RALYL: variants seen among roughly 807,000 people sequenced by gnomAD.
RALYL encodes RNA-binding Raly-like protein.
RALYL carries 29 observed loss-of-function variants against 35.1 expected under a neutral mutation model. The observed-to-expected ratio is 0.83, with a 90% CI of 0.61 to 1.13. RALYL has a LOEUF of 1.13. Ranked by LOEUF, RALYL falls within the 50% of genes most tolerant of loss-of-function variation. RALYL has a pLI of 0.00. For synonymous variants in RALYL, 120 were observed against 127.6 expected, an observed-to-expected ratio of 0.94 and a Z score of 0.40; for missense variants, 359 against 360.4, an observed-to-expected ratio of 1.00 and a Z score of 0.03.
Position 84,537,196 on chromosome 8 carries a change from G to A in RALYL, c.256+7619G>A, listed in dbSNP as rs148118952. On this transcript the variant is annotated intron_variant, in intron 2 of 8. Coordinates refer to ENST00000521268, the MANE Select transcript of RALYL (RefSeq NM_173848.7). ...AAAAAACTCTATTCACGGGCCGGGCGCAGTGGCTCACACCTATAATCTCAG... is the reference window on the plus strand; with the variant it reads ...AAAAAACTCTATTCACGGGCCGGGCACAGTGGCTCACACCTATAATCTCAG... Among the ~76,000 whole-genome samples the A allele has an allele frequency of 6.6e-3, 986 of 149,444 alleles. 10 individuals are homozygous for A. Among genetic ancestry groups the A allele is most frequent in the East Asian group, 0.013 (64 of 5,108 alleles).
chr8:84,606,485 T>C (rs1273865019), intron 2 of RALYL, among the ~76,000 whole-genome samples: 1 of 152,194 alleles, frequency 6.6e-6, no homozygotes, highest in Non-Finnish European at 1.5e-5. Flanking sequence ...GACATTGCTT[T>C]AGAGCCTGGA....
chr8:84,418,468 T>C (rs2045012009), intron 1 of RALYL, among the ~76,000 whole-genome samples: 1 of 152,136 alleles, frequency 6.6e-6, no homozygotes. Flanking sequence ...AGAATTAGTT[T>C]AGCAGGAGGA....
At chr8:84,602,039 T>G (rs1322382207) in intron 2 of RALYL, among the ~76,000 whole-genome samples, 1 of 152,102 alleles carries the variant, frequency 6.6e-6, no homozygotes, top group African/African-American at 2.4e-5. Flanking sequence ...CCTTCAGCAT[T>G]TGTACTGCAT....
chr8:84,478,263 C>T (rs564611264), intron 1 of RALYL, among the ~76,000 whole-genome samples: 56 of 152,066 alleles, frequency 3.7e-4, no homozygotes, highest in Admixed American at 3.3e-4. Flanking sequence ...TGATTGAGCA[C>T]TACTAAGACC....
intron 2 of RALYL, among the ~76,000 whole-genome samples, chr8:84,620,815 C>T (rs374128751): frequency 2.6e-5 from 4 of 152,104 alleles, no homozygotes; most frequent in Admixed American, 2.6e-4. Context: ...TTCTAACAGA[C>T]AGGACCCTCA....
At chr8:84,513,312 G>A (rs528975006) in intron 1 of RALYL, among the ~76,000 whole-genome samples, 1 of 151,862 alleles carries the variant, frequency 6.6e-6, no homozygotes, top group South Asian at 2.1e-4. Context: ...TTATTTTTTA[G>A]CTAGTTTGTT....
At chr8:84,651,306 T>G (rs988985073) in intron 2 of RALYL, among the ~76,000 whole-genome samples, 1 of 151,850 alleles carries the variant, frequency 6.6e-6, no homozygotes, top group Admixed American at 6.6e-5. Flanking sequence ...ATGAATGCCA[T>G]AACTATGAAT....
intron 1 of RALYL, among the ~76,000 whole-genome samples, chr8:84,319,565 A>T (rs575103793): frequency 6.6e-6 from 1 of 152,128 alleles, no homozygotes; most frequent in African/African-American, 2.4e-5. Flanking sequence ...GTTATTGCAG[A>T]TACCAGATGA....
rs141728679 is a variant in RALYL, at chr8:84,344,436, T to C, written c.-24+160012T>C. Among the ~76,000 whole-genome samples the C allele has an allele frequency of 7.6e-3, 1,164 of 152,182 alleles. 20 individuals are homozygous for C. Among genetic ancestry groups the C allele is most frequent in the African/African-American group, 0.027 (1,119 of 41,538 alleles). ...GACATAAGTGAATAAATGAGTCTGT[T>C]GGGGAAGGTGTAGGATGATTGCATT... On this transcript the variant is annotated intron_variant, in intron 1 of 8. Coordinates refer to ENST00000521268, the MANE Select transcript of RALYL (RefSeq NM_173848.7).
At chr8:84,578,425 T>A (rs1386053641) in intron 2 of RALYL, among the ~76,000 whole-genome samples, 2 of 152,202 alleles carry the variant, frequency 1.3e-5, no homozygotes, top group Non-Finnish European at 2.9e-5. Flanking sequence ...TTGCCTGCAA[T>A]GTGGCAAGTC....
chr8:84,194,183 G>T (rs538680777), intron 1 of RALYL, among the ~76,000 whole-genome samples: 1 of 152,298 alleles, frequency 6.6e-6, no homozygotes, highest in South Asian at 2.1e-4. Flanking sequence ...GAGAAGTTAA[G>T]ATATTGTGAG....
chr8:84,189,448 G>A (rs903258261), intron 1 of RALYL, among the ~76,000 whole-genome samples: 67 of 152,260 alleles, frequency 4.4e-4, no homozygotes, highest in African/African-American at 1.5e-3. Flanking sequence ...AGTCATTTCG[G>A]AAATTATTAA....
chr8:84,488,933 C>A (rs765400918), intron 1 of RALYL, among the ~76,000 whole-genome samples: 26 of 151,980 alleles, frequency 1.7e-4, no homozygotes, highest in Non-Finnish European at 3.1e-4. Context: ...AGAACTACTT[C>A]TTTAATTGAG....
chr8:84,447,445 C>T (rs1003429485), intron 1 of RALYL, among the ~76,000 whole-genome samples: 1 of 152,004 alleles, frequency 6.6e-6, no homozygotes, highest in African/African-American at 2.4e-5. Context: ...TCTCAGGTCA[C>T]ACACAGGCCC....
At chr8:84,735,642 G>T (rs538351984) in intron 2 of RALYL, among the ~76,000 whole-genome samples, 1 of 152,034 alleles carries the variant, frequency 6.6e-6, no homozygotes, top group South Asian at 2.1e-4. Context: ...CACTTAACTG[G>T]AACACTGACA....
intron 1 of RALYL, among the ~76,000 whole-genome samples, chr8:84,244,828 G>C (rs1828733432): frequency 6.6e-6 from 1 of 152,194 alleles, no homozygotes; most frequent in Non-Finnish European, 1.5e-5. Context: ...GATTCTTGCT[G>C]TTAGTTGGGA....
At chr8:84,533,559 C>G (rs959369914) in intron 2 of RALYL, among the ~76,000 whole-genome samples, 1 of 152,096 alleles carries the variant, frequency 6.6e-6, no homozygotes, top group African/African-American at 2.4e-5. Context: ...CTTGAGAAGC[C>G]AGCTGTGGAT....
chr8:84,887,461 C>A, intron 7 of RALYL, 143 bp from the exon 8 acceptor site: 1 of 566,148 alleles, frequency 1.8e-6, no homozygotes, highest in Non-Finnish European at 2.9e-6. Context: ...AAAAATTCAA[C>A]TTAAAGCATA....
chr8:84,897,670 G>A (rs1844978325), intron 8 of RALYL, among the ~76,000 whole-genome samples: 1 of 152,102 alleles, frequency 6.6e-6, no homozygotes, highest in South Asian at 2.1e-4. Flanking sequence ...TATGAAAACC[G>A]AGTATGTGAG....
Sources: gnomAD v4.1 joint callset for allele counts (sites outside exome capture counted in the v4.1 genomes callset) on GRCh38, gnomAD v4.1.1 for gene constraint, MANE v1.5 for transcripts, NCBI Gene and HGNC (gene_info 2026-07-23, HGNC 2026-07-21) for gene names.